Variants in RNF13 observed in about 807,000 individuals in gnomAD.
RNF13 encodes the protein ring finger protein 13, also known as E3 ubiquitin-protein ligase RNF13.
A neutral mutation model predicts 37.7 loss-of-function variants in RNF13; 19 were observed. The ratio of observed to expected loss-of-function variants is 0.50; its 90% CI spans 0.35 to 0.74. The LOEUF (loss-of-function observed/expected upper bound fraction) is 0.74, where lower values mean the gene tolerates loss of function less well. Ranked by LOEUF, RNF13 falls within the 30% of genes least tolerant of loss-of-function variation. The pLI, the probability that RNF13 is intolerant of heterozygous loss-of-function variation, is 0.01. For synonymous variants in RNF13, 144 were observed against 157.8 expected (o/e 0.91, Z 0.65); for missense variants, 375 against 453.0 (o/e 0.83, Z 1.56).
intron 2 of RNF13, among the ~76,000 whole-genome samples, chr3:149,849,130 T>C (rs1055359891): frequency 6.6e-6 from 1 of 152,162 alleles, no homozygotes; most frequent in African/African-American, 2.4e-5. Context: ...ATTATGTAGG[T>C]TTATACTAGA....
At position 149,960,779 on chromosome 3, in the gene RNF13, C is replaced by T. The variant is rs1722326416; in HGVS notation, c.821C>T (p.Thr274Ile). ...TGTGTAGACCCTTGGCTAACTAAAA[C>T]CAAAAAAACCTGTCCAGTGTGCAAG... ...CKCVDPWLTK[T>I]KKTCPVCKQK... The change falls in exon 10 of 10, where the codon ACC becomes ATC. Residue 274 changes from threonine to isoleucine, a missense_variant. Transcript: ENST00000392894. 7.4e-6 allele frequency: 12 copies of T among 1,613,504 alleles called. No homozygotes were observed. The highest frequency in any genetic ancestry group is 1.6e-4 in the Middle Eastern group (1 of 6,076).
At chr3:149,860,410 A>G (rs1052297050) in intron 3 of RNF13, among the ~76,000 whole-genome samples, 2 of 151,600 alleles carry the variant, frequency 1.3e-5, no homozygotes, top group Admixed American at 1.3e-4. Flanking sequence ...TGGTACTGAT[A>G]TAAAAACAGG....
At position 149,960,922 on chromosome 3, in the gene RNF13, T is replaced by A. The variant is rs2108622510; in HGVS notation, c.964T>A (p.Ser322Thr). ...ACCTTTAGCTTCTGTCAGTGCCCAG[T>A]CATTTGGGGCTTTATCGGAATCCCG... is the stretch of plus-strand genomic sequence containing the variant. ...LRPLASVSAQ[S>T]FGALSESRSH... Residue 322 changes from serine (S) to threonine (T), a missense_variant, in exon 10 of 10, where the codon TCA (serine) becomes ACA (threonine). By Grantham distance (58) the Ser-to-Thr change is moderately conservative (BLOSUM62 1). Coordinates refer to ENST00000392894, the MANE Select transcript of RNF13 (RefSeq NM_183381.3). 5.6e-6 allele frequency: 9 copies of A among 1,614,184 alleles called. No homozygotes were observed. Among genetic ancestry groups the A allele is most frequent in the Non-Finnish European group, 7.6e-6 (9 of 1,180,030 alleles).
intron 4 of RNF13, among the ~76,000 whole-genome samples, chr3:149,887,860 A>T (rs966959666): frequency 1.3e-5 from 2 of 152,204 alleles, no homozygotes; most frequent in Non-Finnish European, 2.9e-5. Flanking sequence ...CAGCAAATAG[A>T]ATGTTAATTG....
At chr3:149,904,526 C>T (rs550164075) in intron 6 of RNF13, among the ~76,000 whole-genome samples, 13 of 152,162 alleles carry the variant, frequency 8.5e-5, no homozygotes, top group Admixed American at 3.3e-4. Flanking sequence ...GGGCTACAGG[C>T]GAATTCTTTT....
chr3:149,902,175 TA>T lies in RNF13; in HGVS notation c.500+14del. 1 of 1,258,292 alleles carries T rather than the reference TA, an allele frequency of 7.9e-7. No homozygotes were observed. The highest frequency in any genetic ancestry group is 1.1e-6 in the Non-Finnish European group (1 of 899,910). 77.9% of individuals were successfully genotyped at this position (1,258,292 alleles called of 1,614,324 possible). ...CATATGAAAAAGGGTAAGTAATGGA[TA>T]TAAAAAATCATGTTGCTTAAAATTC... On this transcript the variant is annotated intron_variant, in intron 6 of 9. Coordinates refer to ENST00000392894, the MANE Select transcript of RNF13 (RefSeq NM_183381.3).
At chr3:149,844,827 T>C (rs902304311) in intron 1 of RNF13, among the ~76,000 whole-genome samples, 9 of 152,152 alleles carry the variant, frequency 5.9e-5, no homozygotes, top group African/African-American at 2.2e-4. Flanking sequence ...TACAATGCAG[T>C]GATTTTTAGT....
chr3:149,853,557 A>T (rs1723353365), intron 3 of RNF13, among the ~76,000 whole-genome samples: 1 of 144,046 alleles, frequency 6.9e-6, no homozygotes, highest in South Asian at 2.2e-4. Flanking sequence ...TGTGCTTTGT[A>T]AGAGTTCTTT....
At chr3:149,957,282 A>C (rs1291550163) in intron 8 of RNF13, among the ~76,000 whole-genome samples, 1 of 152,086 alleles carries the variant, frequency 6.6e-6, no homozygotes, top group African/African-American at 2.4e-5. Context: ...TTAGTGGGGG[A>C]AAAACTGGAT....
At position 149,933,828 on chromosome 3, in the gene RNF13, C is replaced by G. The variant is rs562921281; in HGVS notation, c.700+12601C>G. Among the ~76,000 whole-genome samples the G allele has an allele frequency of 2.6e-5, 4 of 152,194 alleles. No individual in the cohort carries two copies. The South Asian group carries it at 8.3e-4, about 32-fold the overall frequency. On this transcript the variant is annotated intron_variant, in intron 8 of 9. Coordinates refer to ENST00000392894, the MANE Select transcript of RNF13 (RefSeq NM_183381.3). The stretch of plus-strand genomic sequence containing the variant: ...CGAACTCCTGACCTCAAGTGATCCA[C>G]CCGCCTCAGCCTCCCAAAGTGTTAG...
intron 2 of RNF13, 111 bp from the exon 3 acceptor site, chr3:149,852,405 G>A: frequency 4.2e-6 from 2 of 470,770 alleles, no homozygotes; most frequent in South Asian, 8.8e-5. Context: ...GATAAGCTGT[G>A]ATAGTAATCA....
intron 3 of RNF13, among the ~76,000 whole-genome samples, chr3:149,868,774 C>T (rs986985792): frequency 6.6e-6 from 1 of 151,594 alleles, no homozygotes; most frequent in Admixed American, 6.6e-5. Context: ...CATTTAGGAT[C>T]CTCTCTTTGT....
At chr3:149,821,252 A>G (rs1026891956) in intron 1 of RNF13, among the ~76,000 whole-genome samples, 1 of 152,304 alleles carries the variant, frequency 6.6e-6, no homozygotes, top group South Asian at 2.1e-4. Context: ...TGCTTTCCAC[A>G]GTAGCTAAAC....
intron 8 of RNF13, among the ~76,000 whole-genome samples, chr3:149,926,911 C>A (rs1314065268): frequency 1.3e-5 from 2 of 152,052 alleles, no homozygotes; most frequent in African/African-American, 4.8e-5. Flanking sequence ...CTATGTTTAA[C>A]ACTTTGCCTT....
chr3:149,958,299 G>T (rs949500728), intron 8 of RNF13, among the ~76,000 whole-genome samples: 1 of 152,188 alleles, frequency 6.6e-6, no homozygotes, highest in Admixed American at 6.5e-5. Flanking sequence ...TTCCAGGGAA[G>T]AATCCATTTC....
At chr3:149,934,293 T>A (rs1719467322) in intron 8 of RNF13, among the ~76,000 whole-genome samples, 2 of 152,100 alleles carry the variant, frequency 1.3e-5, no homozygotes. Context: ...ACTTTATCTT[T>A]TCAAAAAACA....
chr3:149,903,937 ATCTG>A (rs34025145), intron 6 of RNF13, among the ~76,000 whole-genome samples: 9,185 of 148,448 alleles, frequency 0.062, 319 homozygotes, highest in Middle Eastern at 0.11. Context: ...ATATCTGTCT[ATCTG>A]TCTGTCTGTC....
chr3:149,846,371 T>C (rs1228064883), intron 2 of RNF13, among the ~76,000 whole-genome samples: 1 of 152,178 alleles, frequency 6.6e-6, no homozygotes, highest in Admixed American at 6.5e-5. Flanking sequence ...GTTGCGGTCC[T>C]GGCTCACTGA....
intron 8 of RNF13, among the ~76,000 whole-genome samples, chr3:149,948,628 C>A (rs1721008413): frequency 6.6e-6 from 1 of 152,214 alleles, no homozygotes; most frequent in Non-Finnish European, 1.5e-5. Flanking sequence ...CATATAAAAA[C>A]CATGATCCTT....
Sources: gnomAD v4.1 joint callset for allele counts (sites outside exome capture counted in the v4.1 genomes callset) on GRCh38, gnomAD v4.1.1 for gene constraint, MANE v1.5 for transcripts, NCBI Gene and HGNC (gene_info 2026-07-23, HGNC 2026-07-21) for gene names.